The following ZNF112 variants were observed in gnomAD, a reference collection of about 807,000 sequenced individuals.
ZNF112 encodes the protein zinc finger protein 112.
Under a neutral mutation model 77.7 loss-of-function variants are expected in ZNF112, and 37 were observed. That is an observed-to-expected ratio of 0.48 (90% CI 0.37 to 0.63). The LOEUF is 0.63. Among genes scored for constraint, ZNF112 ranks in the 20% least tolerant of loss-of-function variants. ZNF112 has a pLI of 0.00. For synonymous variants in ZNF112, 333 were observed against 363.6 expected, an observed-to-expected ratio of 0.92 and a Z score of 0.96; for missense variants, 950 against 1,077.4, an observed-to-expected ratio of 0.88 and a Z score of 1.66.
chr19:44,354,990 A>G (rs1970760544), intron 1 of ZNF112, among the ~76,000 whole-genome samples: 1 of 152,286 alleles, frequency 6.6e-6, no homozygotes, highest in East Asian at 1.9e-4. Context: ...ATGATCATCA[A>G]CGTTTGGCAA....
intron 3 of ZNF112, among the ~76,000 whole-genome samples, chr19:44,332,592 C>A (rs1970291259): frequency 6.6e-6 from 1 of 152,130 alleles, no homozygotes; most frequent in Non-Finnish European, 1.5e-5. Flanking sequence ...AAAAAACACT[C>A]AATATACATC....
chr19:44,328,751 A>T lies in ZNF112; in HGVS notation c.1406T>A (p.Val469Glu). The T allele has an allele frequency of 6.2e-7, 1 of 1,614,010 alleles. No individual in the cohort carries two copies. Among genetic ancestry groups the T allele is most frequent in the Non-Finnish European group, 8.5e-7 (1 of 1,179,940 alleles). ...ATTATGGCTGAAGCTGTTACTACACACATAGCGTTTATATGGTTGTTCCTT... is the reference window on the plus strand; with the variant it reads ...ATTATGGCTGAAGCTGTTACTACACTCATAGCGTTTATATGGTTGTTCCTT... ...HTKEQPYKRY[V>E]CSNSFSHNLY... The change falls in exon 4 of 4, where the codon GTG becomes GAG. Residue 469 changes from valine (V) to glutamate (E), a missense_variant. Coordinates refer to ENST00000354340, the MANE Select transcript of ZNF112 (RefSeq NM_013380.4).
upstream of ZNF112, among the ~76,000 whole-genome samples, chr19:44,359,323 T>C (rs918810091): frequency 9.3e-6 from 1 of 107,156 alleles, no homozygotes; most frequent in Non-Finnish European, 1.8e-5. Flanking sequence ...TTCTTTTTTT[T>C]TTTTTTTTTT....
chr19:44,345,440 G>A (rs972942624), intron 1 of ZNF112, among the ~76,000 whole-genome samples: 1 of 152,206 alleles, frequency 6.6e-6, no homozygotes, highest in Non-Finnish European at 1.5e-5. Context: ...CGCTGTGGGT[G>A]TCTGCAGTCA....
Position 44,336,690 on chromosome 19 carries a change from T to C in ZNF112, c.153A>G (p.Ile51Met). The C allele has an allele frequency of 1.2e-6, 2 of 1,613,964 alleles. No individual in the cohort carries two copies. The highest frequency in any genetic ancestry group is 1.3e-5 in the African/African-American group (1 of 74,970). Reference protein sequence around the residue: ...VAHQPFKPDLISQLEREEKLL... With the variant: ...VAHQPFKPDLMSQLEREEKLL... ...GCTTTTCTTCTCTCTCCAGCTGGGA[T>C]ATTAGGTCTGGCTTGAAGGGCTGAT... Residue 51 changes from isoleucine (I) to methionine (M), a missense_variant, in exon 3 of 4, where the codon ATA becomes ATG. By Grantham distance (10) the Ile-to-Met change is conservative. Transcript: ENST00000354340.
intron 3 of ZNF112, among the ~76,000 whole-genome samples, chr19:44,332,131 T>C (rs950431402): frequency 7.9e-5 from 12 of 152,138 alleles, no homozygotes; most frequent in Non-Finnish European, 1.8e-4. Context: ...GACCTATTAA[T>C]ATAATTGCAC....
At chr19:44,347,485 A>ACTTTT (rs1555804139) in intron 1 of ZNF112, among the ~76,000 whole-genome samples, 11 of 40,318 alleles carry the variant, frequency 2.7e-4, no homozygotes, top group African/African-American at 7.9e-4. Flanking sequence ...TTTTGGGTTG[A>ACTTTT]TTTTTTTTTT....
Position 44,327,649 on chromosome 19 carries a change from G to A in ZNF112, c.2508C>T (p.Phe836=). The A allele has an allele frequency of 6.2e-7, 1 of 1,613,988 alleles. No individual in the cohort carries two copies. Among genetic ancestry groups the A allele is most frequent in the Non-Finnish European group, 8.5e-7 (1 of 1,179,968 alleles). The change falls in exon 4 of 4, where the codon TTC becomes TTT. Residue 836 remains phenylalanine, a synonymous_variant. Coordinates refer to ENST00000354340, the MANE Select transcript of ZNF112 (RefSeq NM_013380.4). The part of the protein sequence containing the change: ...PYKCEVCGKG[F]SQRSNLQAHQ... ...GAGCCTGAAGATTTGATCTCTGACT[G>A]AAGCCCTTTCCACATACCTCACATT...
upstream of ZNF112, among the ~76,000 whole-genome samples, chr19:44,359,477 C>A (rs1203089854): frequency 1.3e-5 from 2 of 151,896 alleles, no homozygotes; most frequent in Non-Finnish European, 2.9e-5. Context: ...GCATGCGCCA[C>A]CACGCCCAGC....
rs560941680 is a variant in ZNF112, at chr19:44,363,917, A to AT, written c.17+3163dup. ...CTAATAAGCATTTGCTGTTATTAGT[A>AT]TTTTTTTTTGAGATGGAGTTTCACT... On this transcript the variant is annotated intron_variant, in intron 1 of 4. Transcript: ENST00000588057. Among the ~76,000 whole-genome samples the AT allele has an allele frequency of 7.9e-3, 1,192 of 151,240 alleles. 2 individuals are homozygous for AT. The highest frequency in any genetic ancestry group is 0.021 in the South Asian group (100 of 4,780).
At chr19:44,339,264 C>T (rs545468628) in intron 2 of ZNF112, among the ~76,000 whole-genome samples, 106 of 152,210 alleles carry the variant, frequency 7.0e-4, no homozygotes, top group South Asian at 3.5e-3. Context: ...AGAAGGTAAT[C>T]GCTAAGTCCC....
At chr19:44,352,801 G>A (rs887507516) in intron 1 of ZNF112, among the ~76,000 whole-genome samples, 2 of 152,144 alleles carry the variant, frequency 1.3e-5, no homozygotes, top group South Asian at 2.1e-4. Flanking sequence ...AACAAAACAT[G>A]TATAGATCTG....
chr19:44,365,274 T>C (rs2123233163), intron 1 of ZNF112, among the ~76,000 whole-genome samples: 1 of 151,884 alleles, frequency 6.6e-6, no homozygotes, highest in South Asian at 2.1e-4. Context: ...GGCAACTTGG[T>C]AAAAAACCAC....
chr19:44,337,842 C>CAA (rs1970413269), intron 2 of ZNF112, among the ~76,000 whole-genome samples: 1 of 9,638 alleles, frequency 1.0e-4, no homozygotes, highest in African/African-American at 1.9e-3. Flanking sequence ...CATACACATA[C>CAA]ACACACACAC....
chr19:44,355,036 G>A (rs879538244), intron 1 of ZNF112, among the ~76,000 whole-genome samples: 1 of 151,644 alleles, frequency 6.6e-6, no homozygotes, highest in Admixed American at 6.6e-5. Context: ...ATACTAAGTC[G>A]ATGTTAGAGA....
At chr19:44,363,663 T>C (rs1480378175) in intron 1 of ZNF112, among the ~76,000 whole-genome samples, 3 of 152,250 alleles carry the variant, frequency 2.0e-5, no homozygotes, top group Admixed American at 2.0e-4. Flanking sequence ...TATAAGTCTT[T>C]GGAAACTTGC....
At chr19:44,359,813 A>C (rs1186618006), upstream of ZNF112, among the ~76,000 whole-genome samples, 3 of 152,214 alleles carry the variant, frequency 2.0e-5, no homozygotes, top group African/African-American at 7.2e-5. Flanking sequence ...TGGTGTCATC[A>C]GTGAATTCTA....
intron 1 of ZNF112, among the ~76,000 whole-genome samples, chr19:44,347,246 T>C (rs8104642): frequency 0.43 from 65,969 of 151,872 alleles, 15,686 homozygotes; most frequent in South Asian, 0.58. Context: ...TTTCACTTTT[T>C]CACTTTCAAA....
intron 1 of ZNF112, among the ~76,000 whole-genome samples, chr19:44,341,770 G>A (rs1007679719): frequency 6.6e-5 from 10 of 152,132 alleles, no homozygotes; most frequent in African/African-American, 2.4e-4. Flanking sequence ...CCACTTTGCT[G>A]TCTTGTAACT....
Sources: allele counts gnomAD v4.1 joint callset (sites outside exome capture counted in the v4.1 genomes callset), GRCh38; gene constraint gnomAD v4.1.1; transcripts MANE v1.5; gene names NCBI Gene and HGNC (gene_info 2026-07-23, HGNC 2026-07-21).